ANKRD62: variants seen among roughly 807,000 people sequenced by gnomAD.
The protein encoded by ANKRD62 is ankyrin repeat domain 62, also known as ankyrin repeat domain-containing protein 62.
Under a neutral mutation model 98.8 loss-of-function variants are expected in ANKRD62, and 61 were observed. That is an observed-to-expected ratio of 0.62 (90% confidence interval 0.50 to 0.76). The LOEUF is 0.76. ANKRD62 is among the 30% of genes least tolerant of loss of function. ANKRD62 has a pLI of 0.00. For missense variants in ANKRD62, 933 were observed against 1,082.9 expected, an observed-to-expected ratio of 0.86 and a Z score of 1.94; for synonymous variants, 341 against 367.9, an observed-to-expected ratio of 0.93 and a Z score of 0.84.
chr18:12,160,306 A>G, the ANKRD62 span, among the ~76,000 whole-genome samples: 3 of 152,206 alleles, frequency 2.0e-5, no homozygotes, highest in Non-Finnish European at 4.4e-5. Context: ...GTGTGCATGT[A>G]CATGTGTAGG....
chr18:12,163,428 C>G, the ANKRD62 span, among the ~76,000 whole-genome samples: 1 of 152,070 alleles, frequency 6.6e-6, no homozygotes, highest in Middle Eastern at 3.4e-3. Flanking sequence ...TAGGTTTTTC[C>G]AAAGACAAGA....
chr18:12,123,516 T>G (rs1346221636), intron 11 of ANKRD62, among the ~76,000 whole-genome samples: 3 of 152,244 alleles, frequency 2.0e-5, no homozygotes, highest in Non-Finnish European at 4.4e-5. Flanking sequence ...TTGTCTTGTT[T>G]GAGAATGGAT....
At chr18:12,175,526 T>C in the ANKRD62 span, among the ~76,000 whole-genome samples, 1 of 151,566 alleles carries the variant, frequency 6.6e-6, no homozygotes, top group African/African-American at 2.4e-5. Context: ...AGGGAAGCTA[T>C]AGTTTGAGGA....
At chr18:12,103,288 T>A in intron 7 of ANKRD62, 60 bp downstream of exon 7, 1 of 1,074,984 alleles carries the variant, frequency 9.3e-7, no homozygotes, top group Non-Finnish European at 1.2e-6. Flanking sequence ...ATAATCCAAA[T>A]GAAATTACTT....
At chr18:12,116,205 C>T (rs1159174000) in intron 10 of ANKRD62, among the ~76,000 whole-genome samples, 2 of 152,152 alleles carry the variant, frequency 1.3e-5, no homozygotes, top group African/African-American at 4.8e-5. Flanking sequence ...TTATCCATAA[C>T]CCACAAAAGT....
At chr18:12,121,478 A>G (rs1909780803) in intron 10 of ANKRD62, among the ~76,000 whole-genome samples, 1 of 152,046 alleles carries the variant, frequency 6.6e-6, no homozygotes, top group Non-Finnish European at 1.5e-5. Context: ...TTCCTAGCAC[A>G]CATCCATTTT....
chr18:12,156,450 G>A, the ANKRD62 span, among the ~76,000 whole-genome samples: 3 of 151,906 alleles, frequency 2.0e-5, no homozygotes, highest in African/African-American at 7.3e-5. Flanking sequence ...TTGCTTCTGT[G>A]AAATCTGTTT....
chr18:12,157,579 G>A, the ANKRD62 span, among the ~76,000 whole-genome samples: 2 of 152,102 alleles, frequency 1.3e-5, no homozygotes, highest in Non-Finnish European at 2.9e-5. Flanking sequence ...CTGTTTGAAG[G>A]TTTCTCATCC....
chr18:12,166,444 A>C, the ANKRD62 span, among the ~76,000 whole-genome samples: 1 of 152,046 alleles, frequency 6.6e-6, no homozygotes, highest in Non-Finnish European at 1.5e-5. Flanking sequence ...TCAGTATGTC[A>C]ATTTTTCAGC....
At chr18:12,171,610 A>T in the ANKRD62 span, among the ~76,000 whole-genome samples, 1 of 152,000 alleles carries the variant, frequency 6.6e-6, no homozygotes, top group South Asian at 2.1e-4. Context: ...TCTGACAATT[A>T]TGTGTCTTGG....
Position 12,124,269 on chromosome 18 carries a change from T to G in ANKRD62, c.1587T>G (p.Thr529=), listed in dbSNP as rs1909843941. Residue 529 remains threonine (T), a synonymous_variant, in exon 12 of 14, where the codon ACT becomes ACG. Transcript: ENST00000587848. ...AAGTGAAAAAACAATCTAAACTGACTCTCAAATCATTGGAAGTGGAATTGA... is the reference window on the plus strand; with the variant it reads ...AAGTGAAAAAACAATCTAAACTGACGCTCAAATCATTGGAAGTGGAATTGA... ...QTEVKKQSKL[T]LKSLEVELKT... The G allele has an allele frequency of 6.1e-6, 8 of 1,314,762 alleles. No homozygotes were observed. The highest frequency in any genetic ancestry group is 4.1e-5 in the South Asian group (3 of 72,746). The allele number at this position is 1,314,762 out of a possible 1,614,324, so 81.4% of individuals were successfully genotyped here.
the ANKRD62 span, among the ~76,000 whole-genome samples, chr18:12,146,501 A>G: frequency 6.6e-6 from 1 of 151,824 alleles, no homozygotes. Flanking sequence ...GCTGGAGTGC[A>G]GTGGCACAAT....
chr18:12,137,141 T>G, the ANKRD62 span, among the ~76,000 whole-genome samples: 499 of 152,312 alleles, frequency 3.3e-3, 1 homozygote, highest in African/African-American at 0.012. Context: ...TGAAAGGGAA[T>G]GCTTCCAGTT....
the ANKRD62 span, among the ~76,000 whole-genome samples, chr18:12,178,164 A>C: frequency 6.6e-6 from 1 of 151,528 alleles, no homozygotes; most frequent in Non-Finnish European, 1.5e-5. Context: ...TTCCTGGAGA[A>C]AGTGACATGT....
At chr18:12,132,314 G>T (rs2143940784), downstream of ANKRD62, among the ~76,000 whole-genome samples, 1 of 152,260 alleles carries the variant, frequency 6.6e-6, no homozygotes, top group Middle Eastern at 3.4e-3. Flanking sequence ...CAGTAACGTT[G>T]TAATTGGTTT....
chr18:12,140,851 T>C, the ANKRD62 span, among the ~76,000 whole-genome samples: 1 of 152,210 alleles, frequency 6.6e-6, no homozygotes. Context: ...TCAAGCTGCC[T>C]GCTGGGAGAA....
the ANKRD62 span, among the ~76,000 whole-genome samples, chr18:12,167,835 A>G: frequency 6.6e-6 from 1 of 152,202 alleles, no homozygotes; most frequent in African/African-American, 2.4e-5. Context: ...AACTGGTGTG[A>G]GATGGTATCT....
chr18:12,177,830 C>T, the ANKRD62 span, among the ~76,000 whole-genome samples: 1 of 31,252 alleles, frequency 3.2e-5, no homozygotes, highest in South Asian at 1.7e-3. Context: ...AGAGATGTGC[C>T]AATAGAAAGA....
rs1231406213 is a variant in ANKRD62, at chr18:12,094,015, A to T, written c.-3A>T. On this transcript the variant is annotated 5_prime_UTR_variant, in exon 1 of 14. Coordinates refer to ENST00000587848, the MANE Select transcript of ANKRD62 (RefSeq NM_001277333.2). ...AGCCTGGGAGAAGATCTCTGGCTTC[A>T]GGATGGAGGTCAGGGGGTCGTTCCT... 61 of 1,534,806 alleles carry T rather than the reference A, an allele frequency of 4.0e-5. No homozygotes were observed. In the Admixed American group the frequency reaches 7.1e-4, roughly 18 times the overall value.
Sources: allele counts gnomAD v4.1 joint callset (sites outside exome capture counted in the v4.1 genomes callset), GRCh38; gene constraint gnomAD v4.1.1; transcripts MANE v1.5; gene names NCBI Gene and HGNC (gene_info 2026-07-23, HGNC 2026-07-21).